Variants in UCK2 observed in about 807,000 individuals in gnomAD.
UCK2 encodes the protein cytidine monophosphokinase 2.
UCK2 carries 6 observed loss-of-function variants against 30.8 expected under a neutral mutation model. The ratio of observed to expected loss-of-function variants is 0.19; its 90% CI spans 0.11 to 0.38. The LOEUF (loss-of-function observed/expected upper bound fraction) is 0.38. UCK2 is among the 10% of genes least tolerant of loss of function. UCK2 has a pLI of 1.00. For missense variants in UCK2, 210 were observed against 339.8 expected (o/e 0.62, Z 3.00); for synonymous variants, 125 against 133.6 (o/e 0.94, Z 0.45).
At chr1:165,870,578 T>G (rs1484915700) in intron 1 of UCK2, among the ~76,000 whole-genome samples, 1 of 152,246 alleles carries the variant, frequency 6.6e-6, no homozygotes, top group Non-Finnish European at 1.5e-5. Context: ...CTTTAATATG[T>G]AGGAGGAAGA....
intron 1 of UCK2, among the ~76,000 whole-genome samples, chr1:165,860,160 C>G (rs528915582): frequency 6.6e-6 from 1 of 152,362 alleles, no homozygotes; most frequent in Non-Finnish European, 1.5e-5. Context: ...GATGCTCACC[C>G]TGTGTCCCAC....
intron 1 of UCK2, 119 bp downstream of exon 1, chr1:165,828,051 C>G (rs1653937090): frequency 8.9e-6 from 6 of 671,192 alleles, no homozygotes; most frequent in Non-Finnish European, 1.2e-5. Flanking sequence ...CGCGCCTCCG[C>G]TCCCGGCCGC....
intron 2 of UCK2, chr1:165,890,666 G>A: frequency 2.9e-6 from 1 of 341,726 alleles, no homozygotes; most frequent in Non-Finnish European, 5.6e-6. Context: ...AGCTAGTCCT[G>A]CTGCCTCTGA....
At chr1:165,828,361 G>A (rs913903984) in intron 1 of UCK2, among the ~76,000 whole-genome samples, 14 of 152,202 alleles carry the variant, frequency 9.2e-5, no homozygotes. Flanking sequence ...CTCGCCCCGC[G>A]GCGCAGCCTG....
rs571625587 is a variant in UCK2 at position 165,902,096 on chromosome 1, C to T, written c.500-1086C>T. On this transcript the variant is annotated intron_variant, in intron 4 of 6. Coordinates refer to ENST00000367879, the MANE Select transcript of UCK2 (RefSeq NM_012474.5). ...CTAAAAATACAAAAAATTAGCCAGG[C>T]GTGGTGGCAGGTGCCTGTAGTCTCA... Among the ~76,000 whole-genome samples, 5 of 152,114 alleles carry T rather than the reference C, an allele frequency of 3.3e-5. No homozygotes were observed. The South Asian group carries it at 6.2e-4, about 19-fold the overall frequency.
chr1:165,857,022 GTA>G (rs1654765156), intron 1 of UCK2, among the ~76,000 whole-genome samples: 2 of 151,596 alleles, frequency 1.3e-5, no homozygotes, highest in Non-Finnish European at 1.5e-5. Flanking sequence ...GCTTGGGAAA[GTA>G]TTTCAACTCG....
At chr1:165,883,893 G>A (rs1337899414) in intron 1 of UCK2, among the ~76,000 whole-genome samples, 1 of 140,420 alleles carries the variant, frequency 7.1e-6, no homozygotes, top group African/African-American at 2.7e-5. Context: ...TGGATTGGAA[G>A]TTGAGCCAGC....
Position 165,909,084 on chromosome 1 carries a change from T to C in UCK2, c.*1261T>C, listed in dbSNP as rs2101891505. ...TTTTACAAAGTATTTAAAAGGAGAGTATTTAAATCATAGGTACCTAAGTTG... is the reference window on the plus strand; with the variant it reads ...TTTTACAAAGTATTTAAAAGGAGAGCATTTAAATCATAGGTACCTAAGTTG... On this transcript the variant is annotated 3_prime_UTR_variant, in exon 7 of 7. Transcript: ENST00000367879. 6.6e-6 allele frequency: 1 copy of C among 151,992 alleles called. No individual in the cohort carries two copies. The highest frequency in any genetic ancestry group is 2.4e-5 in the African/African-American group (1 of 41,436). 9.4% of individuals were successfully genotyped at this position (151,992 alleles called of 1,614,324 possible).
At chr1:165,884,956 A>C (rs1011703561) in intron 1 of UCK2, among the ~76,000 whole-genome samples, 2 of 152,204 alleles carry the variant, frequency 1.3e-5, no homozygotes, top group Non-Finnish European at 2.9e-5. Context: ...TGAACATAAT[A>C]AACATTTCTA....
At position 165,899,658 on chromosome 1, in the gene UCK2, C is replaced by T. The variant is rs76081176; in HGVS notation, c.499+3326C>T. 8.3e-3 allele frequency among the ~76,000 whole-genome samples: 1,266 copies of T among 152,288 alleles called. 36 individuals are homozygous for T. Among genetic ancestry groups the T allele is most frequent in the Admixed American group, 0.057 (875 of 15,306 alleles). On this transcript the variant is annotated intron_variant, in intron 4 of 6. Coordinates refer to ENST00000367879, the MANE Select transcript of UCK2 (RefSeq NM_012474.5). ...CCCTGTACCCTGTCCTCTGAAAAGG[C>T]CTGTCCTGGCCCAGCAAATGTGCTG...
intron 1 of UCK2, among the ~76,000 whole-genome samples, chr1:165,845,283 C>T (rs1050237221): frequency 3.9e-5 from 6 of 152,120 alleles, no homozygotes; most frequent in African/African-American, 1.2e-4. Context: ...ATTCTGTGCA[C>T]GGTAGAGGGT....
In UCK2 at chr1:165,907,091, G is replaced by A. The variant is rs115293728; in HGVS notation, c.647-593G>A. Among the ~76,000 whole-genome samples the A allele has an allele frequency of 8.5e-3, 1,293 of 152,242 alleles. 17 individuals carry two copies. Among genetic ancestry groups the A allele is most frequent in the Admixed American group, 0.012 (180 of 15,296 alleles). On this transcript the variant is annotated intron_variant, in intron 6 of 6. Coordinates refer to ENST00000367879, the MANE Select transcript of UCK2 (RefSeq NM_012474.5). ...TTTCATGAGCTTATACAGTCTGAAG[G>A]AATTATCCCAGGAGAGATGTGGCGT...
chr1:165,910,589 T>C lies in UCK2; in HGVS notation c.*2766T>C, dbSNP rs1410160749. 1 of 152,408 alleles carries C rather than the reference T, an allele frequency of 6.6e-6. No individual in the cohort carries two copies. Among genetic ancestry groups the C allele is most frequent in the African/African-American group, 2.4e-5 (1 of 41,466 alleles). 9.4% of individuals were successfully genotyped at this position (152,408 alleles called of 1,614,324 possible). Reference sequence around the variant, plus strand: ...AATGAGCCTTCTACTGACCCAAGTTTCTTTTTCTCGGGCAGCCTGGGACCA... The same window carrying C: ...AATGAGCCTTCTACTGACCCAAGTTCCTTTTTCTCGGGCAGCCTGGGACCA... On this transcript the variant is annotated 3_prime_UTR_variant, in exon 7 of 7. Transcript: ENST00000367879.
intron 1 of UCK2, among the ~76,000 whole-genome samples, chr1:165,852,827 A>G (rs1194524934): frequency 1.3e-5 from 2 of 152,214 alleles, no homozygotes; most frequent in Admixed American, 6.5e-5. Flanking sequence ...CAAACGGTGC[A>G]GGGAAATAGA....
intron 1 of UCK2, among the ~76,000 whole-genome samples, chr1:165,884,204 G>A (rs566882812): frequency 1.3e-5 from 2 of 152,310 alleles, no homozygotes; most frequent in South Asian, 2.1e-4. Flanking sequence ...GAGGCCAAGC[G>A]TCTGGCCTTC....
chr1:165,873,099 AAAAC>A (rs1281231977), intron 1 of UCK2, among the ~76,000 whole-genome samples: 1 of 152,248 alleles, frequency 6.6e-6, no homozygotes, highest in East Asian at 1.9e-4. Flanking sequence ...GAACTACCGA[AAAAC>A]AAACCAACGA....
At chr1:165,890,155 C>T (rs971094397) in intron 1 of UCK2, 49 bp from the exon 2 acceptor site, 1 of 1,607,400 alleles carries the variant, frequency 6.2e-7, no homozygotes. Context: ...TCCTCTGTAC[C>T]ACACGTGCCC....
At position 165,856,350 on chromosome 1, in the gene UCK2, A is replaced by T. The variant is rs151256808; in HGVS notation, c.99+28418A>T. On this transcript the variant is annotated intron_variant, in intron 1 of 6. Coordinates refer to ENST00000367879, the MANE Select transcript of UCK2 (RefSeq NM_012474.5). ...TACCGTCTGATACATTAATTTATTCAGCAAACATTACGTGCCTGTTGTATC... is the reference window on the plus strand; with the variant it reads ...TACCGTCTGATACATTAATTTATTCTGCAAACATTACGTGCCTGTTGTATC... 1.5e-4 allele frequency among the ~76,000 whole-genome samples: 23 copies of T among 152,072 alleles called. No individual in the cohort carries two copies. The East Asian group carries it at 4.4e-3, about 29-fold the overall frequency.
chr1:165,881,440 T>G (rs551085805), intron 1 of UCK2, among the ~76,000 whole-genome samples: 2 of 152,330 alleles, frequency 1.3e-5, no homozygotes, highest in Admixed American at 1.3e-4. Flanking sequence ...ATGTTGATTC[T>G]TACTCTACTG....
Sources: gnomAD v4.1 joint callset for allele counts (sites outside exome capture counted in the v4.1 genomes callset) on GRCh38, gnomAD v4.1.1 for gene constraint, MANE v1.5 for transcripts, NCBI Gene and HGNC (gene_info 2026-07-23, HGNC 2026-07-21) for gene names.